DBX1: variants seen among roughly 807,000 people sequenced by gnomAD.
DBX1 encodes the protein homeobox protein DBX1.
In DBX1, 10 loss-of-function variants were observed where a neutral mutation model predicts 20.8. The ratio of observed to expected loss-of-function variants is 0.48; its 90% CI spans 0.30 to 0.82. The LOEUF is 0.82. DBX1 is among the 40% of genes least tolerant of loss of function. DBX1 has a pLI of 0.07. For synonymous variants in DBX1, 241 were observed against 213.9 expected (o/e 1.13, Z -1.11); for missense variants, 505 against 468.8 (o/e 1.08, Z -0.71).
At chr11:20,159,896 C>T (rs1436546850) in intron 1 of DBX1, 62 bp downstream of exon 1, 1 of 1,611,006 alleles carries the variant, frequency 6.2e-7, no homozygotes, top group African/African-American at 1.3e-5. Flanking sequence ...GAAACTGAGG[C>T]CAGGATGACT....
chr11:20,156,719 G>T lies in DBX1; in HGVS notation c.673-146C>A. On this transcript the variant is annotated intron_variant, in intron 3 of 3. Coordinates refer to ENST00000524983, the MANE Select transcript of DBX1 (RefSeq NM_001029865.4). The surrounding 1 kb of genome is among the most constrained non-coding windows in gnomAD (Gnocchi z 4.8). ...TCCCCACCCCCAGAAATGAGTTCCGGTGGATTCCCGCATTGACTCCGCCCC... is the reference window on the plus strand; with the variant it reads ...TCCCCACCCCCAGAAATGAGTTCCGTTGGATTCCCGCATTGACTCCGCCCC... 1 of 1,255,292 alleles carries T rather than the reference G, an allele frequency of 8.0e-7. No individual in the cohort carries two copies. 77.8% of individuals were successfully genotyped at this position (1,255,292 alleles called of 1,614,324 possible).
chr11:20,156,841 C>G lies in DBX1; in HGVS notation c.672+196G>C. The G allele has an allele frequency of 1.4e-6, 1 of 738,578 alleles. No homozygotes were observed. The highest frequency in any genetic ancestry group is 2.7e-5 in the East Asian group (1 of 37,302). 45.8% of individuals were successfully genotyped at this position (738,578 alleles called of 1,614,324 possible). On this transcript the variant is annotated intron_variant, in intron 3 of 3. Transcript: ENST00000524983. The surrounding 1 kb of genome is among the most constrained non-coding windows in gnomAD (Gnocchi z 4.8). ...GAGGCCGGGAGAGAAGGCGGGGAGT[C>G]GGGGTGGGGAGAGAAGAGGGCTATC...
intron 2 of DBX1, 102 bp from the exon 3 acceptor site, chr11:20,157,341 G>C: frequency 1.9e-6 from 2 of 1,046,670 alleles, no homozygotes; most frequent in Non-Finnish European, 2.7e-6. Flanking sequence ...TCTTTAAAAC[G>C]CTCCTTTTTC....
rs771545125 is a variant in DBX1 at position 20,156,566 on chromosome 11, A to C, written c.680T>G (p.Ile227Ser). Residue 227 changes from isoleucine to serine, a missense_variant, in exon 4 of 4, where the codon ATC becomes AGC. Ile to Ser is a moderately radical substitution (Grantham distance 142). Transcript: ENST00000524983. This position sits in a 1 kb window ranked among gnomAD's most constrained non-coding sequence, Gnocchi z 4.8. ...KLGLKDSQVK[I>S]WFQNRRMKWR... ...TTTCATGCGTCGGTTCTGGAACCAG[A>C]TTTTCACCTGGAATGTCCCGGCCGG... 6.2e-7 allele frequency: 1 copy of C among 1,613,850 alleles called. No individual in the cohort carries two copies. The highest frequency in any genetic ancestry group is 8.5e-7 in the Non-Finnish European group (1 of 1,180,006).
In DBX1 at chr11:20,156,505, G is replaced by A; in HGVS notation, c.741C>T (p.Ser247=). The A allele has an allele frequency of 6.2e-7, 1 of 1,613,964 alleles. No homozygotes were observed. The highest frequency in any genetic ancestry group is 8.5e-7 in the Non-Finnish European group (1 of 1,180,008). The change falls in exon 4 of 4, where the codon AGC becomes AGT. Residue 247 remains serine, a synonymous_variant. Transcript: ENST00000524983. This position sits in a 1 kb window ranked among gnomAD's most constrained non-coding sequence, Gnocchi z 4.8. ...RNSKERELLS[S]GGCREQTLPT... ...GCAGGGTCTGCTCGCGACAGCCCCC[G>A]CTAGACAGGAGTTCGCGCTCCTTGG...
intron 1 of DBX1, among the ~76,000 whole-genome samples, chr11:20,159,688 G>T (rs373267295): frequency 6.6e-6 from 1 of 152,100 alleles, no homozygotes; most frequent in South Asian, 2.1e-4. Flanking sequence ...AGGAGCGTGC[G>T]CTCAGCGTTA....
Position 20,156,339 on chromosome 11 carries a change from G to A in DBX1, c.907C>T (p.Pro303Ser). 1.9e-6 allele frequency: 3 copies of A among 1,589,430 alleles called. No individual in the cohort carries two copies. The highest frequency in any genetic ancestry group is 2.6e-6 in the Non-Finnish European group (3 of 1,166,280). ...ASSDPQHLRD[P>S]RLPGPLPPSP... ...GGGGGCAGCGGCCCTGGCAGCCGCG[G>A]GTCCCGCAGGTGCTGGGGGTCGGAG... is the stretch of plus-strand genomic sequence containing the variant. The change falls in exon 4 of 4, where the codon CCG (proline) becomes TCG (serine). Residue 303 changes from proline to serine, a missense_variant. Transcript: ENST00000524983. This position sits in a 1 kb window ranked among gnomAD's most constrained non-coding sequence, Gnocchi z 4.8.
Position 20,159,093 on chromosome 11 carries a change from CG to C in DBX1, c.469+97del, listed in dbSNP as rs1455209190. 1.0e-4 allele frequency: 87 copies of C among 856,496 alleles called. No individual in the cohort carries two copies. In the Admixed American group the frequency reaches 1.6e-3, roughly 16 times the overall value. 53.1% of individuals were successfully genotyped at this position (856,496 alleles called of 1,614,324 possible). A position where few individuals can be genotyped will look rare whatever the true frequency, so the allele number is the denominator to read the frequency against. On this transcript the variant is annotated intron_variant, in intron 2 of 3. Transcript: ENST00000524983. ...CAACCTCTGAACCAGAGCATAACCC[CG>C]AGGGGTGGACGGAGAAATACGGCTT...
intron 2 of DBX1, among the ~76,000 whole-genome samples, chr11:20,157,597 C>T (rs1163736590): frequency 6.6e-6 from 1 of 152,090 alleles, no homozygotes; most frequent in Non-Finnish European, 1.5e-5. Context: ...AATATCCAGC[C>T]GAGGCCACTG....
Position 20,158,930 on chromosome 11 carries a change from A to G in DBX1, c.469+261T>C, listed in dbSNP as rs79561841. Reference sequence around the variant, plus strand: ...GCCAACAGCTCCTCGCCGGGAAGGGAACCGCCTCAAATTGGGACCATGACA... The same window carrying G: ...GCCAACAGCTCCTCGCCGGGAAGGGGACCGCCTCAAATTGGGACCATGACA... On this transcript the variant is annotated intron_variant, in intron 2 of 3. Transcript: ENST00000524983. Among the ~76,000 whole-genome samples, 372 of 152,230 alleles carry G rather than the reference A, an allele frequency of 2.4e-3. 3 individuals are homozygous for G. The highest frequency in any genetic ancestry group is 8.3e-3 in the African/African-American group (344 of 41,528).
Position 20,156,208 on chromosome 11 carries a change from CG to C in DBX1, c.*5del. 1 of 1,516,000 alleles carries C rather than the reference CG, an allele frequency of 6.6e-7. No individual in the cohort carries two copies. Among genetic ancestry groups the C allele is most frequent in the Non-Finnish European group, 8.8e-7 (1 of 1,133,292 alleles). The allele number at this position is 1,516,000 out of a possible 1,614,324, so 93.9% of individuals were successfully genotyped here. A position where few individuals can be genotyped will look rare whatever the true frequency, so the allele number is the denominator to read the frequency against. ...TAAAAATAGTACTCTGGCGTGCGAG[CG>C]GCTTCTAGGACACGGTGATTTCCTC... On this transcript the variant is annotated 3_prime_UTR_variant, in exon 4 of 4. Transcript: ENST00000524983. This position sits in a 1 kb window ranked among gnomAD's most constrained non-coding sequence, Gnocchi z 4.8.
chr11:20,159,079 C>T (rs2063674934), intron 2 of DBX1, 112 bp downstream of exon 2: 2 of 760,168 alleles, frequency 2.6e-6, no homozygotes, highest in South Asian at 3.3e-5. Flanking sequence ...AACCTCTGAA[C>T]CAGAGCATAA....
chr11:20,157,477 GC>G (rs969324238), intron 2 of DBX1, among the ~76,000 whole-genome samples: 7 of 152,216 alleles, frequency 4.6e-5, no homozygotes, highest in African/African-American at 9.6e-5. Flanking sequence ...AGAGAAAACA[GC>G]CCCCACAATA....
At position 20,156,929 on chromosome 11, in the gene DBX1, T is replaced by G; in HGVS notation, c.672+108A>C. ...CCCTCTCTAGGCCTCGGTTTTCCCA[T>G]CTGTACAGTGGGACCTAAGCCGTTT... On this transcript the variant is annotated intron_variant, in intron 3 of 3. Transcript: ENST00000524983. This position sits in a 1 kb window ranked among gnomAD's most constrained non-coding sequence, Gnocchi z 4.8. 1 of 1,173,932 alleles carries G rather than the reference T, an allele frequency of 8.5e-7. No individual in the cohort carries two copies. The highest frequency in any genetic ancestry group is 1.2e-6 in the Non-Finnish European group (1 of 816,508). 72.7% of individuals were successfully genotyped at this position (1,173,932 alleles called of 1,614,324 possible).
At chr11:20,158,901 G>A (rs1418183251) in intron 2 of DBX1, among the ~76,000 whole-genome samples, 3 of 152,166 alleles carry the variant, frequency 2.0e-5, no homozygotes, top group African/African-American at 7.2e-5. Flanking sequence ...CGGCGTGAAG[G>A]GATGCCAACA....
intron 1 of DBX1, 147 bp from the exon 2 acceptor site, chr11:20,159,439 G>A: frequency 1.6e-6 from 1 of 621,618 alleles, no homozygotes; most frequent in South Asian, 2.0e-5. Context: ...CGTTGACAGG[G>A]TAAAATAAAT....
intron 1 of DBX1, among the ~76,000 whole-genome samples, 174 bp from the exon 2 acceptor site, chr11:20,159,466 T>C (rs144448479): frequency 9.3e-4 from 142 of 152,290 alleles, no homozygotes; most frequent in African/African-American, 3.3e-3. Flanking sequence ...AACATTGTCT[T>C]ATCTGTAAAA....
At position 20,160,122 on chromosome 11, in the gene DBX1, T is replaced by C. The variant is rs1331388562; in HGVS notation, c.203A>G (p.Gln68Arg). ...GTCGGTGAGGGCCGTGGGGGCCCCCTGCCTGGGCGGCGACATGCTGGCGGT... is the reference window on the plus strand; with the variant it reads ...GTCGGTGAGGGCCGTGGGGGCCCCCCGCCTGGGCGGCGACATGCTGGCGGT... The part of the protein sequence containing the change: ...VPTASMSPPR[Q>R]GAPTALTDTG... Residue 68 changes from glutamine (Q) to arginine (R), a missense_variant, in exon 1 of 4, where the codon CAG becomes CGG. Coordinates refer to ENST00000524983, the MANE Select transcript of DBX1 (RefSeq NM_001029865.4). The C allele has an allele frequency of 6.5e-7, 1 of 1,549,356 alleles. No individual in the cohort carries two copies. The highest frequency in any genetic ancestry group is 1.2e-5 in the South Asian group (1 of 84,108).
rs762394227 is a variant in DBX1 at position 20,159,181 on chromosome 11, C to T, written c.469+10G>A. ...CCCTGCCTCGCGCAAAGAAGGGGGA[C>T]GAGACCTACCTGGGAAATAAGAAGA... On this transcript the variant is annotated intron_variant, in intron 2 of 3. Coordinates refer to ENST00000524983, the MANE Select transcript of DBX1 (RefSeq NM_001029865.4). 1 of 1,598,620 alleles carries T rather than the reference C, an allele frequency of 6.3e-7. No homozygotes were observed. The highest frequency in any genetic ancestry group is 1.1e-5 in the South Asian group (1 of 90,754).
Sources: gnomAD v4.1 joint callset for allele counts (sites outside exome capture counted in the v4.1 genomes callset) on GRCh38, gnomAD v4.1.1 for gene constraint, Gnocchi (gnomAD v3.1) non-coding constraint, MANE v1.5 for transcripts, NCBI Gene and HGNC (gene_info 2026-07-23, HGNC 2026-07-21) for gene names.